QRSL1: variants seen among roughly 807,000 people sequenced by gnomAD.
QRSL1 encodes the protein glutaminyl-tRNA amidotransferase subunit QRSL1, also known as glutamyl-tRNA(Gln) amidotransferase subunit A, mitochondrial.
QRSL1 carries 54 observed loss-of-function variants against 61.6 expected under a neutral mutation model. That is an observed-to-expected ratio of 0.88 (90% confidence interval 0.70 to 1.10). QRSL1 has a LOEUF of 1.10. QRSL1 is among the 50% of genes least tolerant of loss of function. The probability of loss-of-function intolerance (pLI) is 0.00; values close to 1 mark genes in which losing one functional copy is unlikely to be tolerated. For missense variants in QRSL1, 505 were observed against 622.6 expected (o/e 0.81, Z 2.01); for synonymous variants, 228 against 225.7 (o/e 1.01, Z -0.09).
chr6:106,647,811 C>T (rs1161426780), intron 4 of QRSL1, among the ~76,000 whole-genome samples: 3 of 148,176 alleles, frequency 2.0e-5, no homozygotes, highest in African/African-American at 5.0e-5. Context: ...CCACCACGCC[C>T]GGCTAATTTT....
chr6:106,652,541 A>T lies in QRSL1; in HGVS notation c.808A>T (p.Ser270Cys). Residue 270 changes from serine (S) to cysteine (C), a missense_variant, in exon 7 of 11, where the codon AGT (serine) becomes TGT (cysteine). Ser to Cys is a moderately radical substitution (Grantham distance 112). Transcript: ENST00000369046. ...TATTAATAAACCATTCATGCTTCCC[A>T]GTTTGGCAGATGTGAGCAAACTATG... is the stretch of plus-strand genomic sequence containing the variant. ...EPINKPFMLP[S>C]LADVSKLCIG... 3 of 1,614,204 alleles carry T rather than the reference A, an allele frequency of 1.9e-6. No individual in the cohort carries two copies. The highest frequency in any genetic ancestry group is 2.5e-6 in the Non-Finnish European group (3 of 1,180,040).
chr6:106,636,611 G>A (rs575500208), intron 1 of QRSL1, among the ~76,000 whole-genome samples: 15 of 152,194 alleles, frequency 9.9e-5, no homozygotes, highest in Admixed American at 2.6e-4. Flanking sequence ...GAGCCACCGC[G>A]CCCAGCCAGC....
chr6:106,632,779 A>G (rs1041685441), intron 1 of QRSL1, among the ~76,000 whole-genome samples: 1 of 152,008 alleles, frequency 6.6e-6, no homozygotes, highest in Non-Finnish European at 1.5e-5. Flanking sequence ...GTCTATTCCA[A>G]TCTTTTGCCC....
chr6:106,648,892 C>T (rs987790843), intron 4 of QRSL1, 133 bp from the exon 5 acceptor site: 2 of 837,600 alleles, frequency 2.4e-6, no homozygotes, highest in Non-Finnish European at 3.5e-6. Context: ...AGGCTTCCCA[C>T]CTTTTTCAAT....
chr6:106,636,596 G>A (rs1319900350), intron 1 of QRSL1, among the ~76,000 whole-genome samples: 3 of 152,154 alleles, frequency 2.0e-5, no homozygotes, highest in African/African-American at 7.2e-5. Flanking sequence ...TGGGATTACA[G>A]GCATGAGCCA....
intron 7 of QRSL1, chr6:106,652,792 G>A (rs1163332855): frequency 6.8e-7 from 1 of 1,463,816 alleles, no homozygotes; most frequent in African/African-American, 1.4e-5. Context: ...GGTTTGTGAG[G>A]ATCAATTAGA....
intron 4 of QRSL1, among the ~76,000 whole-genome samples, chr6:106,648,572 A>G (rs563127766): frequency 3.3e-5 from 5 of 152,198 alleles, no homozygotes; most frequent in Non-Finnish European, 7.3e-5. Context: ...TAAAGGGTAT[A>G]AAGTGCTTTA....
Position 106,662,962 on chromosome 6 carries a change from C to G in QRSL1, c.1161-18C>G, listed in dbSNP as rs1423964723. Reference sequence around the variant, plus strand: ...ATACAAAAAATCCTTAAAAACATCACCTACTTTTTTCCCACAGAAACTATG... The same window carrying G: ...ATACAAAAAATCCTTAAAAACATCAGCTACTTTTTTCCCACAGAAACTATG... On this transcript the variant is annotated intron_variant, in intron 9 of 10. Transcript: ENST00000369046. 1 of 1,560,432 alleles carries G rather than the reference C, an allele frequency of 6.4e-7. No individual in the cohort carries two copies. Among genetic ancestry groups the G allele is most frequent in the Non-Finnish European group, 8.8e-7 (1 of 1,132,542 alleles).
intron 10 of QRSL1, among the ~76,000 whole-genome samples, chr6:106,663,732 C>T (rs980809068): frequency 6.6e-6 from 1 of 152,140 alleles, no homozygotes; most frequent in Non-Finnish European, 1.5e-5. Context: ...TGTGGGGAGA[C>T]AGATCCAAAC....
chr6:106,649,989 A>G (rs941385566), intron 5 of QRSL1, among the ~76,000 whole-genome samples: 1 of 152,106 alleles, frequency 6.6e-6, no homozygotes, highest in Non-Finnish European at 1.5e-5. Flanking sequence ...TCCATAAATC[A>G]TTTATATTTT....
chr6:106,643,921 G>A (rs1462585349), intron 4 of QRSL1, among the ~76,000 whole-genome samples: 1 of 150,436 alleles, frequency 6.6e-6, no homozygotes, highest in Non-Finnish European at 1.5e-5. Flanking sequence ...ATCCACGCTG[G>A]AATGCAATGG....
chr6:106,640,260 A>T, intron 1 of QRSL1, 89 bp from the exon 2 acceptor site: 2 of 1,141,630 alleles, frequency 1.8e-6, no homozygotes, highest in Non-Finnish European at 2.6e-6. Flanking sequence ...TGTTATACTT[A>T]GCCACTCCAT....
intron 9 of QRSL1, 87 bp from the exon 10 acceptor site, chr6:106,662,893 G>A (rs1777378451): frequency 3.4e-6 from 4 of 1,164,424 alleles, no homozygotes; most frequent in African/African-American, 1.6e-5. Context: ...GAAATCCAAT[G>A]GTTCTTTATC....
rs1023023204 is a variant in QRSL1 at position 106,668,187 on chromosome 6, A to C, written c.*2185A>C. ...TTAAATCTCTTGTTCCTGTATCTCT[A>C]CATGAGCTGCACTAATAATTTGAAT... On this transcript the variant is annotated 3_prime_UTR_variant, in exon 11 of 11. Transcript: ENST00000369046. The C allele has an allele frequency of 2.0e-5, 3 of 152,158 alleles. No homozygotes were observed. The highest frequency in any genetic ancestry group is 7.2e-5 in the African/African-American group (3 of 41,428). The allele number at this position is 152,158 out of a possible 1,614,324, so 9.4% of individuals were successfully genotyped here.
chr6:106,661,781 A>C (rs1777360636), intron 9 of QRSL1, among the ~76,000 whole-genome samples: 1 of 132,144 alleles, frequency 7.6e-6, no homozygotes, highest in Non-Finnish European at 1.5e-5. Context: ...GAGCGATCCC[A>C]GCTCACTACA....
At chr6:106,632,818 C>T (rs1361436143) in intron 1 of QRSL1, among the ~76,000 whole-genome samples, 1 of 152,010 alleles carries the variant, frequency 6.6e-6, no homozygotes, top group Non-Finnish European at 1.5e-5. Context: ...GGATTTTTTC[C>T]TGTTGAGTTG....
rs1177849683 is a variant in QRSL1 at position 106,639,119 on chromosome 6, G to GTTTTT, written c.25-1207_25-1203dup. 1.3e-4 allele frequency among the ~76,000 whole-genome samples: 16 copies of GTTTTT among 122,796 alleles called. 1 individual carries two copies. Among genetic ancestry groups the GTTTTT allele is most frequent in the African/African-American group, 3.3e-4 (10 of 30,120 alleles). The allele number at this position is 122,796 out of a possible 152,430, so 80.6% of individuals were successfully genotyped here. ...TGTGTGGTTATTTGTGTGTTTTGTTGTTTTTTTTTTTTTTTTTTTTTTTTT... is the reference window on the plus strand; with the variant it reads ...TGTGTGGTTATTTGTGTGTTTTGTTGTTTTTTTTTTTTTTTTTTTTTTTTTTTTTT... On this transcript the variant is annotated intron_variant, in intron 1 of 10. Coordinates refer to ENST00000369046, the MANE Select transcript of QRSL1 (RefSeq NM_018292.5).
At chr6:106,636,708 A>G (rs748558441) in intron 1 of QRSL1, among the ~76,000 whole-genome samples, 4 of 152,166 alleles carry the variant, frequency 2.6e-5, no homozygotes, top group African/African-American at 7.2e-5. Flanking sequence ...CTCAGTGTGG[A>G]TGTAAAGATT....
chr6:106,648,923 A>G (rs1409961740), intron 4 of QRSL1, 102 bp from the exon 5 acceptor site: 1 of 1,233,760 alleles, frequency 8.1e-7, no homozygotes, highest in Non-Finnish European at 1.1e-6. Flanking sequence ...GTGGGTTCTT[A>G]AATGCTCAAT....
Sources: allele counts gnomAD v4.1 joint callset (sites outside exome capture counted in the v4.1 genomes callset), GRCh38; gene constraint gnomAD v4.1.1; transcripts MANE v1.5; gene names NCBI Gene and HGNC (gene_info 2026-07-23, HGNC 2026-07-21).